The following CSNK1G2 variants were observed in gnomAD, a reference collection of about 807,000 sequenced individuals.
CSNK1G2 encodes casein kinase 1 gamma 2, also known as casein kinase I isoform gamma-2.
CSNK1G2 carries 11 observed loss-of-function variants against 48.0 expected under a neutral mutation model. The ratio of observed to expected loss-of-function variants is 0.23; its 90% CI spans 0.14 to 0.38. CSNK1G2 has a LOEUF of 0.38. Among genes scored for constraint, CSNK1G2 ranks in the 10% least tolerant of loss-of-function variants. The pLI is 1.00. For synonymous variants in CSNK1G2, 337 were observed against 254.1 expected, an observed-to-expected ratio of 1.33 and a Z score of -3.10; for missense variants, 446 against 595.5, an observed-to-expected ratio of 0.75 and a Z score of 2.61.
At chr19:1,966,439 C>CT (rs1039788740) in intron 1 of CSNK1G2, among the ~76,000 whole-genome samples, 4 of 152,190 alleles carry the variant, frequency 2.6e-5, no homozygotes, top group Admixed American at 1.3e-4. Flanking sequence ...CGCGAGAAAA[C>CT]TTTAACACGT....
In CSNK1G2 at chr19:1,980,639, C is replaced by G; in HGVS notation, c.*436C>G. 4.6e-6 allele frequency: 1 copy of G among 217,542 alleles called. No homozygotes were observed. Among genetic ancestry groups the G allele is most frequent in the Non-Finnish European group, 9.4e-6 (1 of 106,224 alleles). The allele number at this position is 217,542 out of a possible 1,614,324, so 13.5% of individuals were successfully genotyped here. On this transcript the variant is annotated 3_prime_UTR_variant, in exon 12 of 12. Transcript: ENST00000255641. ...TCCCTCGATCCAAAGGCCGTTTTCT[C>G]GAGGGGAGGGCAGGCCCGGCCTGGA...
At chr19:1,962,503 C>CA (rs761164479) in intron 1 of CSNK1G2, among the ~76,000 whole-genome samples, 2,247 of 120,486 alleles carry the variant, frequency 0.019, 22 homozygotes, top group Non-Finnish European at 0.019. Context: ...CCCATCTCTA[C>CA]AAAAAAAAAA....
At chr19:1,958,334 G>A (rs1761893187) in intron 1 of CSNK1G2, among the ~76,000 whole-genome samples, 1 of 152,038 alleles carries the variant, frequency 6.6e-6, no homozygotes, top group African/African-American at 2.4e-5. Flanking sequence ...CGGCAGGGCC[G>A]TCTTGCAGGG....
chr19:1,962,925 A>C (rs2015246553), intron 1 of CSNK1G2, among the ~76,000 whole-genome samples: 1 of 152,192 alleles, frequency 6.6e-6, no homozygotes, highest in Non-Finnish European at 1.5e-5. Context: ...GCTACAACCC[A>C]GATGGCCGTC....
chr19:1,952,394 C>G (rs2014798624), intron 1 of CSNK1G2: 1 of 151,750 alleles, frequency 6.6e-6, no homozygotes, highest in Admixed American at 6.6e-5. Flanking sequence ...GCCATCTTGG[C>G]TTACTGCAGC....
intron 2 of CSNK1G2, chr19:1,975,092 G>A (rs1288476443): frequency 1.4e-5 from 14 of 985,338 alleles, no homozygotes; most frequent in Middle Eastern, 5.2e-4. Context: ...GGGTTCAGGC[G>A]AAGGTTTCTT....
At chr19:1,943,960 G>A (rs755123316) in intron 1 of CSNK1G2, among the ~76,000 whole-genome samples, 6 of 152,164 alleles carry the variant, frequency 3.9e-5, no homozygotes, top group South Asian at 2.1e-4. Context: ...CAGGGGCTGC[G>A]GGCCTCGGGT....
chr19:1,952,827 A>G (rs2014819998), intron 1 of CSNK1G2: 1 of 333,688 alleles, frequency 3.0e-6, no homozygotes, highest in Middle Eastern at 4.0e-4. Context: ...CTCCCCGGGG[A>G]GTTAGGCCGA....
chr19:1,978,403 G>C lies in CSNK1G2; in HGVS notation c.229-39G>C. The C allele has an allele frequency of 6.2e-7, 1 of 1,612,090 alleles. No homozygotes were observed. The highest frequency in any genetic ancestry group is 1.1e-5 in the South Asian group (1 of 91,052). ...CGTGCCCCCCAGGGATTTCAGGGCA[G>C]CGACCCGGTCCCCTGGTGACTCGCT... On this transcript the variant is annotated intron_variant, in intron 3 of 11. Transcript: ENST00000255641. The surrounding 1 kb of genome is among the most constrained non-coding windows in gnomAD (Gnocchi z 7.3).
intron 1 of CSNK1G2, among the ~76,000 whole-genome samples, chr19:1,962,477 G>A (rs2015230202): frequency 6.6e-6 from 1 of 150,682 alleles, no homozygotes; most frequent in African/African-American, 2.4e-5. Context: ...GACCAGCCTA[G>A]GCAACATAGC....
At chr19:1,962,695 G>T (rs2015236729) in intron 1 of CSNK1G2, among the ~76,000 whole-genome samples, 1 of 152,082 alleles carries the variant, frequency 6.6e-6, no homozygotes, top group African/African-American at 2.4e-5. Context: ...GAAGCGCTGG[G>T]GTGGGTGTGT....
chr19:1,959,002 G>T (rs1230043588), intron 1 of CSNK1G2, among the ~76,000 whole-genome samples: 1 of 144,076 alleles, frequency 6.9e-6, no homozygotes, highest in African/African-American at 2.6e-5. Context: ...TCCCCATGTG[G>T]CTTCCCAGTC....
intron 2 of CSNK1G2, chr19:1,975,882 A>G (rs1015998807): frequency 3.6e-5 from 26 of 726,310 alleles, no homozygotes; most frequent in Non-Finnish European, 4.2e-5. Context: ...GTAAAAATAC[A>G]AAAATTAGCC....
At chr19:1,951,363 A>G (rs1235013623) in intron 1 of CSNK1G2, among the ~76,000 whole-genome samples, 1 of 144,184 alleles carries the variant, frequency 6.9e-6, no homozygotes, top group Non-Finnish European at 1.5e-5. Context: ...AGATCGCACC[A>G]CTGCACTCCA....
intron 1 of CSNK1G2, among the ~76,000 whole-genome samples, chr19:1,947,264 G>A (rs2014597198): frequency 6.6e-6 from 1 of 152,222 alleles, no homozygotes; most frequent in Admixed American, 6.5e-5. Context: ...GAGGCCTGAT[G>A]GCCAGTCCTC....
chr19:1,955,743 T>G (rs1389320909), intron 1 of CSNK1G2, among the ~76,000 whole-genome samples: 1 of 152,144 alleles, frequency 6.6e-6, no homozygotes, highest in Non-Finnish European at 1.5e-5. Flanking sequence ...GCCACTGCTG[T>G]CACCGGAGGA....
At chr19:1,977,731 C>T (rs542192766) in intron 2 of CSNK1G2, among the ~76,000 whole-genome samples, 2 of 129,572 alleles carry the variant, frequency 1.5e-5, no homozygotes, top group South Asian at 5.0e-4. Context: ...CCAGACTGGG[C>T]AACAGAGCGA....
At chr19:1,976,373 C>G in intron 2 of CSNK1G2, among the ~76,000 whole-genome samples, 1 of 152,208 alleles carries the variant, frequency 6.6e-6, no homozygotes, top group East Asian at 1.9e-4. Context: ...TTCCCTCGTC[C>G]TCACGATCCT....
Position 1,969,469 on chromosome 19 carries a change from G to A in CSNK1G2, c.-265-39G>A, listed in dbSNP as rs192361198. ...CCGTGTCCTCAGTGGCCCCGCGGGG[G>A]CCTTGCCGGTGCTCACCTGTGCCTC... On this transcript the variant is annotated intron_variant, in intron 1 of 11. Transcript: ENST00000255641. The A allele has an allele frequency of 1.1e-4, 25 of 230,056 alleles. No homozygotes were observed. In the East Asian group the frequency reaches 2.0e-3, roughly 19 times the overall value. The allele number at this position is 230,056 out of a possible 1,614,324, so 14.3% of individuals were successfully genotyped here.
Sources: allele counts gnomAD v4.1 joint callset (sites outside exome capture counted in the v4.1 genomes callset), GRCh38; gene constraint gnomAD v4.1.1; non-coding constraint Gnocchi (gnomAD v3.1); transcripts MANE v1.5; gene names NCBI Gene and HGNC (gene_info 2026-07-23, HGNC 2026-07-21).